The following CCNY variants were observed in gnomAD, a reference collection of about 807,000 sequenced individuals.
The protein encoded by CCNY is cyclin-Y.
CCNY carries 19 observed loss-of-function variants against 42.8 expected under a neutral mutation model. The ratio of observed to expected loss-of-function variants is 0.44; its 90% CI spans 0.31 to 0.65. The LOEUF (loss-of-function observed/expected upper bound fraction) is 0.65, where lower values mean the gene tolerates loss of function less well. Among genes scored for constraint, CCNY ranks in the 30% least tolerant of loss-of-function variants. The pLI, the probability that CCNY is intolerant of heterozygous loss-of-function variation, is 0.07. For missense variants in CCNY, 370 were observed against 437.3 expected (o/e 0.85, Z 1.37); for synonymous variants, 165 against 162.7 (o/e 1.01, Z -0.11).
At chr10:35,353,461 A>G (rs1836470364) in intron 1 of CCNY, among the ~76,000 whole-genome samples, 1 of 152,212 alleles carries the variant, frequency 6.6e-6, no homozygotes, top group Non-Finnish European at 1.5e-5. Context: ...TGTAAAAGGA[A>G]TAAGCTATTT....
intron 7 of CCNY, among the ~76,000 whole-genome samples, chr10:35,548,321 C>T (rs113799722): frequency 0.051 from 7,455 of 146,352 alleles, 536 homozygotes; most frequent in African/African-American, 0.16. Context: ...TTTTATGAGA[C>T]GGAATCTCGC....
At chr10:35,356,363 G>C (rs868497248) in intron 1 of CCNY, among the ~76,000 whole-genome samples, 3 of 152,108 alleles carry the variant, frequency 2.0e-5, no homozygotes, top group Non-Finnish European at 4.4e-5. Flanking sequence ...TTGCTTTGTT[G>C]GTCAAAATCC....
At chr10:35,371,276 C>CAA (rs1836931023) in intron 1 of CCNY, among the ~76,000 whole-genome samples, 1 of 152,160 alleles carries the variant, frequency 6.6e-6, no homozygotes, top group African/African-American at 2.4e-5. Context: ...GCTGATACTT[C>CAA]TTTGTTATTT....
At chr10:35,429,721 A>G (rs1161361222) in intron 1 of CCNY, among the ~76,000 whole-genome samples, 1 of 152,186 alleles carries the variant, frequency 6.6e-6, no homozygotes, top group Non-Finnish European at 1.5e-5. Context: ...TTATTGGGTC[A>G]TTTCATCTAC....
intron 9 of CCNY, among the ~76,000 whole-genome samples, chr10:35,567,672 C>A (rs1467606140): frequency 6.6e-6 from 1 of 152,144 alleles, no homozygotes; most frequent in Admixed American, 6.5e-5. Flanking sequence ...GAGAAGAAAC[C>A]TGTTATGGAT....
chr10:35,554,116 A>G (rs1479185627), intron 8 of CCNY, among the ~76,000 whole-genome samples: 2 of 152,170 alleles, frequency 1.3e-5, no homozygotes, highest in Admixed American at 1.3e-4. Flanking sequence ...CCCTGCCCCC[A>G]GTAATCCTCA....
chr10:35,453,128 G>A (rs1838955619), intron 1 of CCNY, among the ~76,000 whole-genome samples: 1 of 152,100 alleles, frequency 6.6e-6, no homozygotes. Flanking sequence ...ATAGAGATAG[G>A]GTCTTGCTTT....
chr10:35,267,952 A>C (rs1297979184), intron 3 of CCNY, among the ~76,000 whole-genome samples: 1 of 152,016 alleles, frequency 6.6e-6, no homozygotes, highest in African/African-American at 2.4e-5. Context: ...TTTGAGACAG[A>C]GTCTCATGAC....
At chr10:35,393,327 GT>G (rs1837455023) in intron 1 of CCNY, among the ~76,000 whole-genome samples, 1 of 152,200 alleles carries the variant, frequency 6.6e-6, no homozygotes, top group Non-Finnish European at 1.5e-5. Flanking sequence ...CGGGCTTTTT[GT>G]TGTCATTGTC....
chr10:35,428,885 C>T (rs546396195), intron 1 of CCNY, among the ~76,000 whole-genome samples: 1 of 152,294 alleles, frequency 6.6e-6, no homozygotes, highest in East Asian at 1.9e-4. Context: ...GGAAAGTACC[C>T]TGAACCCACT....
At chr10:35,486,512 G>A (rs4373868) in intron 2 of CCNY, among the ~76,000 whole-genome samples, 41,953 of 151,962 alleles carry the variant, frequency 0.28, 6,101 homozygotes, top group East Asian at 0.35. Context: ...CCTCTAGACT[G>A]GACTCCCTGC....
At chr10:35,463,576 T>C (rs1839199241) in intron 1 of CCNY, among the ~76,000 whole-genome samples, 1 of 152,206 alleles carries the variant, frequency 6.6e-6, no homozygotes, top group Non-Finnish European at 1.5e-5. Context: ...TCAATGAAGC[T>C]AAGAGATTAC....
intron 1 of CCNY, among the ~76,000 whole-genome samples, chr10:35,424,164 G>A (rs1342427621): frequency 6.6e-6 from 1 of 152,216 alleles, no homozygotes; most frequent in Non-Finnish European, 1.5e-5. Context: ...GAATGAGTCA[G>A]TATACCTTAG....
At chr10:35,270,280 C>A (rs563251472) in intron 3 of CCNY, among the ~76,000 whole-genome samples, 4 of 152,238 alleles carry the variant, frequency 2.6e-5, no homozygotes, top group Non-Finnish European at 5.9e-5. Flanking sequence ...ATGACCCAGT[C>A]CCCTCCAAAA....
chr10:35,471,257 G>A (rs1245407247), intron 1 of CCNY, among the ~76,000 whole-genome samples: 1 of 152,098 alleles, frequency 6.6e-6, no homozygotes, highest in Non-Finnish European at 1.5e-5. Flanking sequence ...GGGATGCGAG[G>A]GGCTTGCGAG....
rs143281846 is a variant in CCNY at position 35,326,587 on chromosome 10, A to G, written c.-9+75961A>G. ...ACAGATTGCTGAGTTTCCAGGCTGC[A>G]CTTTTCCTGGATCAGAACCATTGCT... On this transcript the variant is annotated intron_variant, in intron 3 of 11. Coordinates refer to the CCNY transcript ENST00000374706. Among the ~76,000 whole-genome samples the G allele has an allele frequency of 2.6e-5, 4 of 152,296 alleles. No homozygotes were observed. In the East Asian group the frequency reaches 7.7e-4, roughly 29 times the overall value.
At chr10:35,417,104 A>T (rs1469355096) in intron 1 of CCNY, among the ~76,000 whole-genome samples, 1 of 152,172 alleles carries the variant, frequency 6.6e-6, no homozygotes, top group African/African-American at 2.4e-5. Context: ...GAAACACATC[A>T]CTTCTTATGC....
chr10:35,430,538 A>G (rs1838368176), intron 1 of CCNY, among the ~76,000 whole-genome samples: 1 of 152,124 alleles, frequency 6.6e-6, no homozygotes, highest in African/African-American at 2.4e-5. Context: ...GTACCATTTG[A>G]ATTTCACAGG....
intron 1 of CCNY, among the ~76,000 whole-genome samples, chr10:35,424,487 A>G (rs1178025118): frequency 6.6e-6 from 1 of 152,182 alleles, no homozygotes; most frequent in Admixed American, 6.5e-5. Flanking sequence ...CGGCCTCCCA[A>G]AGTGCTGGGA....
Sources: gnomAD v4.1 joint callset for allele counts (sites outside exome capture counted in the v4.1 genomes callset) on GRCh38, gnomAD v4.1.1 for gene constraint, MANE v1.5 for transcripts, NCBI Gene and HGNC (gene_info 2026-07-23, HGNC 2026-07-21) for gene names.